The following MBTD1 variants were observed in gnomAD, a reference collection of about 807,000 sequenced individuals.
The protein encoded by MBTD1 is mbt domain containing 1.
In MBTD1, 24 loss-of-function variants were observed where a neutral mutation model predicts 87.8. The ratio of observed to expected loss-of-function variants is 0.27; its 90% confidence interval spans 0.20 to 0.38. MBTD1 has a LOEUF of 0.38. MBTD1 is among the 10% of genes least tolerant of loss of function. The pLI, the probability that MBTD1 is intolerant of heterozygous loss-of-function variation, is 1.00. For missense variants in MBTD1, 436 were observed against 760.2 expected (o/e 0.57, Z 5.02); for synonymous variants, 237 against 248.6 (o/e 0.95, Z 0.44).
intron 6 of MBTD1, among the ~76,000 whole-genome samples, chr17:51,211,005 C>T (rs1014485741): frequency 6.6e-6 from 1 of 151,744 alleles, no homozygotes; most frequent in African/African-American, 2.4e-5. Flanking sequence ...GGTGTGGTGG[C>T]ACGCACCTGT....
At chr17:51,260,399 C>A (rs879183081), upstream of MBTD1, 1 of 648,420 alleles carries the variant, frequency 1.5e-6, no homozygotes, top group Non-Finnish European at 2.6e-6. Flanking sequence ...GAGGAACTCC[C>A]ACACGGGGCG....
intron 2 of MBTD1, among the ~76,000 whole-genome samples, chr17:51,242,669 AT>A (rs1304516647): frequency 6.6e-6 from 1 of 152,216 alleles, no homozygotes; most frequent in Non-Finnish European, 1.5e-5. Context: ...AAATATACAA[AT>A]AGGTGTAACT....
intron 2 of MBTD1, among the ~76,000 whole-genome samples, chr17:51,248,614 A>C (rs999689469): frequency 8.5e-5 from 13 of 152,352 alleles, no homozygotes; most frequent in African/African-American, 1.4e-4. Context: ...TATAAATGGC[A>C]TAAAATCGTA....
At chr17:51,188,472 A>G (rs763333106) in intron 16 of MBTD1, among the ~76,000 whole-genome samples, 8 of 152,242 alleles carry the variant, frequency 5.3e-5, no homozygotes, top group Non-Finnish European at 7.3e-5. Flanking sequence ...AACGAGCTGT[A>G]AGATGAAGCA....
At chr17:51,249,574 T>G (rs2054653770) in intron 2 of MBTD1, 1 of 152,170 alleles carries the variant, frequency 6.6e-6, no homozygotes. Context: ...CAGTCTTGTA[T>G]TCTTGGGGTT....
At chr17:51,194,530 C>T (rs2050974697) in intron 13 of MBTD1, among the ~76,000 whole-genome samples, 1 of 134,052 alleles carries the variant, frequency 7.5e-6, no homozygotes, top group African/African-American at 2.9e-5. Flanking sequence ...GATAGCACCC[C>T]TGCATTCCAG....
Position 51,188,845 on chromosome 17 carries a change from C to T in MBTD1, c.1768+3358G>A, listed in dbSNP as rs141782116. On this transcript the variant is annotated intron_variant, in intron 16 of 16. Coordinates refer to ENST00000586178, the MANE Select transcript of MBTD1 (RefSeq NM_017643.3). The stretch of plus-strand genomic sequence containing the variant: ...CGCGATCTCGGCTCACTGCAACCTC[C>T]GCCTCCCAGGTTCAAGCGATTCTCC... Among the ~76,000 whole-genome samples the T allele has an allele frequency of 7.7e-3, 1,171 of 151,160 alleles. 16 individuals are homozygous for T. Among genetic ancestry groups the T allele is most frequent in the African/African-American group, 0.027 (1,110 of 41,068 alleles).
intron 2 of MBTD1, among the ~76,000 whole-genome samples, chr17:51,238,422 G>T (rs1452437690): frequency 2.0e-5 from 3 of 152,176 alleles, no homozygotes; most frequent in South Asian, 2.1e-4. Flanking sequence ...AGAGGAAGAC[G>T]GTTGATTTAG....
At chr17:51,218,885 A>G (rs773251117) in intron 5 of MBTD1, 45 bp downstream of exon 5, 2 of 1,106,730 alleles carry the variant, frequency 1.8e-6, no homozygotes, top group African/African-American at 3.1e-5. Flanking sequence ...AAACTAAATG[A>G]ATCAATGTCA....
intron 2 of MBTD1, among the ~76,000 whole-genome samples, chr17:51,228,871 C>G (rs975024389): frequency 2.8e-5 from 3 of 105,692 alleles, no homozygotes; most frequent in African/African-American, 1.1e-4. Context: ...GTACTCCAGC[C>G]TGGGTGACAG....
intron 12 of MBTD1, among the ~76,000 whole-genome samples, chr17:51,196,068 C>T (rs1292338196): frequency 2.0e-5 from 3 of 152,022 alleles, no homozygotes; most frequent in African/African-American, 4.8e-5. Context: ...CCATCACACT[C>T]GGCTAATTGT....
rs2050222604 is a variant in MBTD1 at position 51,179,512 on chromosome 17, A to ATATATATATATATATATT, written c.*1063_*1064insAATATATATATATATATA. 1.0e-5 allele frequency: 1 copy of ATATATATATATATATATT among 97,038 alleles called. No individual in the cohort carries two copies. Among genetic ancestry groups the ATATATATATATATATATT allele is most frequent in the Non-Finnish European group, 2.2e-5 (1 of 46,358 alleles). 6.0% of individuals were successfully genotyped at this position (97,038 alleles called of 1,614,324 possible). On this transcript the variant is annotated 3_prime_UTR_variant, in exon 17 of 17. Transcript: ENST00000586178. Reference sequence around the variant, plus strand: ...TATATATATATATATATATATATATATATATATATATATATATATATATAT... The same window carrying ATATATATATATATATATT: ...TATATATATATATATATATATATATATATATATATATATATATTTATATATATATATATATATATATAT...
chr17:51,260,687 C>G (rs1370122031), upstream of MBTD1: 1 of 1,607,976 alleles, frequency 6.2e-7, no homozygotes, highest in African/African-American at 1.3e-5. Flanking sequence ...CGGAGCGGGG[C>G]CAGGCGGGCC....
At chr17:51,252,002 T>G (rs2054814733) in intron 2 of MBTD1, among the ~76,000 whole-genome samples, 1 of 152,210 alleles carries the variant, frequency 6.6e-6, no homozygotes, top group South Asian at 2.1e-4. Flanking sequence ...TGGCCTCAAG[T>G]GATTGGCCCA....
intron 16 of MBTD1, among the ~76,000 whole-genome samples, chr17:51,186,634 C>T (rs1236033334): frequency 2.6e-5 from 4 of 152,002 alleles, no homozygotes; most frequent in African/African-American, 9.7e-5. Flanking sequence ...AATAGCTGGG[C>T]ATGGTGGCAG....
chr17:51,232,315 C>T (rs147247751), intron 2 of MBTD1, among the ~76,000 whole-genome samples: 7 of 152,080 alleles, frequency 4.6e-5, no homozygotes, highest in Admixed American at 2.6e-4. Flanking sequence ...TTCAGCATTC[C>T]CACCAATTTT....
At chr17:51,224,821 T>A (rs765157409) in intron 3 of MBTD1, among the ~76,000 whole-genome samples, 187 bp downstream of exon 3, 1 of 152,220 alleles carries the variant, frequency 6.6e-6, no homozygotes, top group Non-Finnish European at 1.5e-5. Context: ...TGTATTTGCT[T>A]TCCACCAGGA....
At chr17:51,191,033 G>C (rs549148035) in intron 16 of MBTD1, among the ~76,000 whole-genome samples, 4 of 151,830 alleles carry the variant, frequency 2.6e-5, no homozygotes, top group African/African-American at 9.7e-5. Context: ...TGTAGTGAGC[G>C]GAGATTGTGC....
intron 6 of MBTD1, among the ~76,000 whole-genome samples, chr17:51,210,965 T>C (rs1352417312): frequency 6.6e-6 from 1 of 151,518 alleles, no homozygotes; most frequent in East Asian, 2.0e-4. Flanking sequence ...GGTGAAACCC[T>C]GTCTCTACCC....
Sources: allele counts gnomAD v4.1 joint callset (sites outside exome capture counted in the v4.1 genomes callset), GRCh38; gene constraint gnomAD v4.1.1; transcripts MANE v1.5; gene names NCBI Gene and HGNC (gene_info 2026-07-23, HGNC 2026-07-21).